NCOR2: variants seen among roughly 807,000 people sequenced by gnomAD.
The protein encoded by NCOR2 is CTG repeat protein 26.
A neutral mutation model predicts 262.9 loss-of-function variants in NCOR2; 81 were observed. That is an observed-to-expected ratio of 0.31 (90% CI 0.26 to 0.37). The LOEUF (loss-of-function observed/expected upper bound fraction) is 0.37, where lower values mean the gene tolerates loss of function less well. Ranked by LOEUF, NCOR2 falls within the 10% of genes least tolerant of loss-of-function variation. The pLI, the probability that NCOR2 is intolerant of heterozygous loss-of-function variation, is 1.00. For missense variants in NCOR2, 3,385 were observed against 3,621.4 expected (o/e 0.93, Z 1.68); for synonymous variants, 1,659 against 1,559.3 (o/e 1.06, Z -1.51).
At chr12:124,468,070 A>C (rs1180700606) in intron 4 of NCOR2, among the ~76,000 whole-genome samples, 4 of 13,506 alleles carry the variant, frequency 3.0e-4, no homozygotes, top group African/African-American at 4.7e-4. Flanking sequence ...CATCCTCCTC[A>C]CCCCCATCAT....
At chr12:124,325,689 A>G (rs2135710399) in intron 46 of NCOR2, 106 bp from the exon 49 acceptor site, 2 of 731,122 alleles carry the variant, frequency 2.7e-6, no homozygotes. Flanking sequence ...GTTTCTGTCC[A>G]ACAGTCCTCC....
At chr12:124,405,745 CCT>C (rs1031436537) in intron 13 of NCOR2, among the ~76,000 whole-genome samples, 5 of 152,178 alleles carry the variant, frequency 3.3e-5, no homozygotes, top group African/African-American at 4.8e-5. Flanking sequence ...CACAACTCCC[CCT>C]GAGGAGCTGG....
chr12:124,353,063 A>G (rs942863707), intron 27 of NCOR2, among the ~76,000 whole-genome samples: 18 of 152,146 alleles, frequency 1.2e-4, no homozygotes, highest in Non-Finnish European at 2.5e-4. Flanking sequence ...TGCCTATCTC[A>G]CATGTTTTGG....
intron 1 of NCOR2, among the ~76,000 whole-genome samples, chr12:124,561,314 T>A (rs998012474): frequency 2.6e-5 from 4 of 152,142 alleles, no homozygotes; most frequent in African/African-American, 4.8e-5. Flanking sequence ...TACTCAAATT[T>A]ATTAAAAGTA....
At chr12:124,567,598 CGCGGCGGCGGTGGCGGCG>C (rs1404740550), upstream of NCOR2, 3 of 138,696 alleles carry the variant, frequency 2.2e-5, no homozygotes, top group Non-Finnish European at 4.8e-5. Context: ...CCCCGGCGGC[CGCGGCGGCGGTGGCGGCG>C]GCGGCGGCGG....
intron 1 of NCOR2, among the ~76,000 whole-genome samples, chr12:124,492,300 G>C (rs542506808): frequency 6.6e-6 from 1 of 152,344 alleles, no homozygotes; most frequent in South Asian, 2.1e-4. Flanking sequence ...CACCGGTACT[G>C]CAGGTGGGGA....
At chr12:124,534,757 G>C (rs977916438) in intron 1 of NCOR2, among the ~76,000 whole-genome samples, 2 of 152,186 alleles carry the variant, frequency 1.3e-5, no homozygotes, top group Non-Finnish European at 2.9e-5. Flanking sequence ...CTGGCTCTTT[G>C]CTTCCAGCTG....
chr12:124,481,010 GGC>G lies in NCOR2; in HGVS notation c.411+2584_411+2585del, dbSNP rs2047437605. 6.6e-6 allele frequency among the ~76,000 whole-genome samples: 1 copy of G among 152,112 alleles called. No homozygotes were observed. The highest frequency in any genetic ancestry group is 2.1e-4 in the South Asian group (1 of 4,812). On this transcript the variant is annotated intron_variant, in intron 3 of 46. Transcript: ENST00000405201. The surrounding 1 kb of genome is among the most constrained non-coding windows in gnomAD (Gnocchi z 4.6). Reference sequence around the variant, plus strand: ...ATGGCCGCAGGCAGATGGGCTGGGTGGCGCTGGGTGGTGGCTGGGAGTGGCTC... The same window carrying G: ...ATGGCCGCAGGCAGATGGGCTGGGTGGCTGGGTGGTGGCTGGGAGTGGCTC...
intron 16 of NCOR2, among the ~76,000 whole-genome samples, chr12:124,392,445 G>T (rs571844630): frequency 6.6e-6 from 1 of 152,116 alleles, no homozygotes; most frequent in Middle Eastern, 3.2e-3. Flanking sequence ...CTCCTTGGAC[G>T]CGAGCCCCGA....
intron 1 of NCOR2, among the ~76,000 whole-genome samples, chr12:124,508,729 G>A (rs74721149): frequency 0.025 from 3,830 of 152,224 alleles, 79 homozygotes; most frequent in Middle Eastern, 0.075. Flanking sequence ...GACATCTCCC[G>A]ATATTTCTAA....
Position 124,335,273 on chromosome 12 carries a change from C to T in NCOR2, c.6273G>A (p.Val2091=), listed in dbSNP as rs751701810. ...GGTGGGCGGCCTCCCCGCCAAGCTT[C>T]ACGGGGCCTGCAGGCAGAGCAGAGC... Residue 2091 remains valine, a synonymous_variant, in exon 40 of 47, where the codon GTG becomes GTA. Coordinates refer to ENST00000405201, the Ensembl canonical transcript of NCOR2. The T allele has an allele frequency of 4.9e-5, 78 of 1,599,596 alleles. No homozygotes were observed. The East Asian group carries it at 1.8e-3, about 36-fold the overall frequency.
At chr12:124,422,175 C>T (rs757605545) in intron 12 of NCOR2, among the ~76,000 whole-genome samples, 1 of 152,220 alleles carries the variant, frequency 6.6e-6, no homozygotes, top group Non-Finnish European at 1.5e-5. Flanking sequence ...TCCACGTGGC[C>T]TTTGAGGAGC....
intron 37 of NCOR2, among the ~76,000 whole-genome samples, chr12:124,337,876 C>T (rs2036027595): frequency 6.6e-6 from 1 of 152,230 alleles, no homozygotes; most frequent in African/African-American, 2.4e-5. Flanking sequence ...GGGGCACCCC[C>T]ATCTCTCGCT....
rs913592527 is a variant in NCOR2 at position 124,483,825 on chromosome 12, C to A, written c.234-52G>T. ...ACATAGGAGATTGCGGCTCTGAGAA[C>A]TCCCGAGGCCCCGACCACCCTCTGC... On this transcript the variant is annotated intron_variant, in intron 2 of 46. Coordinates refer to ENST00000405201, the Ensembl canonical transcript of NCOR2. The surrounding 1 kb of genome is among the most constrained non-coding windows in gnomAD (Gnocchi z 6.3). The A allele has an allele frequency of 1.3e-5, 20 of 1,489,078 alleles. No homozygotes were observed. Among genetic ancestry groups the A allele is most frequent in the Non-Finnish European group, 1.8e-5 (20 of 1,117,420 alleles). The allele number at this position is 1,489,078 out of a possible 1,614,324, so 92.2% of individuals were successfully genotyped here. A position where few individuals can be genotyped will look rare whatever the true frequency, so the allele number is the denominator to read the frequency against.
chr12:124,345,138 G>A (rs559428230), intron 31 of NCOR2, among the ~76,000 whole-genome samples, 187 bp from the exon 34 acceptor site: 13 of 152,132 alleles, frequency 8.5e-5, no homozygotes, highest in East Asian at 3.9e-4. Flanking sequence ...ACTGCCCTGC[G>A]CACCCTGGGC....
rs757846340 is a variant in NCOR2, at chr12:124,483,923, G to A, written c.234-150C>T. On this transcript the variant is annotated intron_variant, in intron 2 of 46. Coordinates refer to ENST00000405201, the Ensembl canonical transcript of NCOR2. The surrounding 1 kb of genome is among the most constrained non-coding windows in gnomAD (Gnocchi z 6.3). ...GTGCTCACAGGAGCCCACCTCCCAC[G>A]GTCCCACAGCAGGGCAGGACTCCAA... The A allele has an allele frequency of 1.3e-5, 12 of 900,934 alleles. No individual in the cohort carries two copies. Among genetic ancestry groups the A allele is most frequent in the South Asian group, 6.1e-5 (3 of 49,454 alleles). 55.8% of individuals were successfully genotyped at this position (900,934 alleles called of 1,614,324 possible).
chr12:124,337,371 A>G, intron 37 of NCOR2, 191 bp from the exon 40 acceptor site: 1 of 750,442 alleles, frequency 1.3e-6, no homozygotes, highest in Admixed American at 2.0e-5. Context: ...TCGTTCATTC[A>G]TTCCTTGCAT....
At chr12:124,339,899 C>G in intron 37 of NCOR2, 107 bp downstream of exon 39, 1 of 637,688 alleles carries the variant, frequency 1.6e-6, no homozygotes, top group South Asian at 2.0e-5. Flanking sequence ...ATCTGCCCAC[C>G]CACCCACCTC....
chr12:124,515,265 G>A lies in NCOR2; in HGVS notation c.-117-19897C>T, dbSNP rs138756220. 8.0e-3 allele frequency among the ~76,000 whole-genome samples: 1,216 copies of A among 152,232 alleles called. 10 individuals are homozygous for A. Among genetic ancestry groups the A allele is most frequent in the Non-Finnish European group, 0.012 (831 of 68,018 alleles). Reference sequence around the variant, plus strand: ...CGCCTGTAGTCCCAGCAACTTGGGAGGCTGTGACAGGAGAATCGCTTGAAC... The same window carrying A: ...CGCCTGTAGTCCCAGCAACTTGGGAAGCTGTGACAGGAGAATCGCTTGAAC... On this transcript the variant is annotated intron_variant, in intron 1 of 46. Coordinates refer to the NCOR2 transcript ENST00000404621.
Sources: gnomAD v4.1 joint callset for allele counts (sites outside exome capture counted in the v4.1 genomes callset) on GRCh38, gnomAD v4.1.1 for gene constraint, Gnocchi (gnomAD v3.1) non-coding constraint, MANE v1.5 for transcripts, NCBI Gene and HGNC (gene_info 2026-07-23, HGNC 2026-07-21) for gene names.